SYNE2: variants seen among roughly 807,000 people sequenced by gnomAD.
SYNE2 encodes the protein nesprin-2.
In SYNE2, 431 loss-of-function variants were observed where a neutral mutation model predicts 856.3. The observed-to-expected ratio is 0.50, with a 90% CI of 0.47 to 0.55. The LOEUF is 0.55. SYNE2 is among the 20% of genes least tolerant of loss of function. The pLI is 0.00. For synonymous variants in SYNE2, 2,923 were observed against 2,872.3 expected (o/e 1.02, Z -0.56); for missense variants, 8,129 against 8,023.2 (o/e 1.01, Z -0.50).
chr14:64,099,268 A>G (rs2097701983), intron 63 of SYNE2: 5 of 174,570 alleles, frequency 2.9e-5, no homozygotes, highest in Admixed American at 2.8e-4. Context: ...TAACTGGTTG[A>G]ATGAGACATT....
chr14:63,809,169 C>A (rs1438269424), intron 1 of SYNE2, among the ~76,000 whole-genome samples: 1 of 150,876 alleles, frequency 6.6e-6, no homozygotes, highest in African/African-American at 2.4e-5. Context: ...ATTTTTTTTG[C>A]TTACCAAAGA....
At chr14:63,773,083 T>C (rs556877827) in intron 1 of SYNE2, among the ~76,000 whole-genome samples, 5 of 151,862 alleles carry the variant, frequency 3.3e-5, no homozygotes, top group African/African-American at 1.2e-4. Context: ...CAGCCTATAT[T>C]ACATTTTAAA....
intron 7 of SYNE2, among the ~76,000 whole-genome samples, chr14:63,953,543 G>GAGAT (rs59456660): frequency 0.15 from 13,468 of 90,528 alleles, 781 homozygotes; most frequent in East Asian, 0.34. Context: ...GAGAGAGAGA[G>GAGAT]AGATAGATAG....
chr14:64,220,543 G>A lies in SYNE2; in HGVS notation c.19967G>A (p.Ser6656Asn). ...TESPESTELQSRLRQLSLLWE... is the reference protein window; with the variant it reads ...TESPESTELQNRLRQLSLLWE... ...AGCCCCGAATCCACAGAGCTCCAAAGTAGACTCCGCCAGCTGAGCCTGCTC... is the reference window on the plus strand; with the variant it reads ...AGCCCCGAATCCACAGAGCTCCAAAATAGACTCCGCCAGCTGAGCCTGCTC... The change falls in exon 111 of 116, where the codon AGT (serine) becomes AAT (asparagine). Residue 6656 changes from serine (S) to asparagine (N), a missense_variant. Ser to Asn is a conservative substitution (Grantham distance 46, BLOSUM62 1). Coordinates refer to ENST00000555002, the MANE Select transcript of SYNE2 (RefSeq NM_182914.3). 6.2e-7 allele frequency: 1 copy of A among 1,614,160 alleles called. No homozygotes were observed. The highest frequency in any genetic ancestry group is 8.5e-7 in the Non-Finnish European group (1 of 1,180,028).
intron 18 of SYNE2, among the ~76,000 whole-genome samples, chr14:63,984,649 CAT>C (rs2096611428): frequency 6.6e-6 from 1 of 152,156 alleles, no homozygotes; most frequent in East Asian, 1.9e-4. Flanking sequence ...AATTAAAAAT[CAT>C]ATACTTGTAA....
intron 1 of SYNE2, among the ~76,000 whole-genome samples, chr14:63,858,729 G>A (rs561075861): frequency 2.0e-5 from 3 of 152,020 alleles, no homozygotes; most frequent in Non-Finnish European, 2.9e-5. Context: ...ATAATGTTAC[G>A]ATGGCGATTA....
Position 63,949,846 on chromosome 14 carries a change from C to CT in SYNE2, c.433dup (p.Ser145PhefsTer11). The CT allele has an allele frequency of 6.2e-7, 1 of 1,614,176 alleles. No individual in the cohort carries two copies. Among genetic ancestry groups the CT allele is most frequent in the South Asian group, 1.1e-5 (1 of 91,080 alleles). ...TTAGATTGAGAAGCTTGCCCAGACT[C>CT]TTTCTTGCAATTACAATCAGCCTTC... On this transcript the variant is annotated frameshift_variant, in exon 7 of 116. Coordinates refer to ENST00000555002, the MANE Select transcript of SYNE2 (RefSeq NM_182914.3). LOFTEE classifies it high-confidence loss of function.
chr14:64,167,700 T>G lies in SYNE2; in HGVS notation c.16905+61T>G, dbSNP rs1355921214. 3.4e-5 allele frequency: 54 copies of G among 1,609,876 alleles called. 1 individual carries two copies. The Middle Eastern group carries it at 1.0e-3, about 30-fold the overall frequency. On this transcript the variant is annotated intron_variant, in intron 92 of 115. Transcript: ENST00000555002. Reference sequence around the variant, plus strand: ...ATCTGGGGCAGGAGTCAGGGAAAGATAGCTTTAAATAAAACACAGGGAGTG... The same window carrying G: ...ATCTGGGGCAGGAGTCAGGGAAAGAGAGCTTTAAATAAAACACAGGGAGTG...
At chr14:63,897,010 G>T (rs1366160597) in intron 1 of SYNE2, among the ~76,000 whole-genome samples, 3 of 152,142 alleles carry the variant, frequency 2.0e-5, no homozygotes, top group Non-Finnish European at 2.9e-5. Context: ...CCAGCACTTT[G>T]GGAGGCCAAG....
At chr14:63,773,360 C>G (rs1886992269) in intron 1 of SYNE2, among the ~76,000 whole-genome samples, 1 of 151,678 alleles carries the variant, frequency 6.6e-6, no homozygotes, top group Admixed American at 6.6e-5. Flanking sequence ...CGACCATGCC[C>G]TGAGAATTTT....
intron 6 of SYNE2, among the ~76,000 whole-genome samples, chr14:63,944,522 T>C (rs12895493): frequency 0.012 from 1,053 of 91,510 alleles, 10 homozygotes; most frequent in Middle Eastern, 0.019. Context: ...CCTTTCTTTT[T>C]TTTTTTTTTT....
chr14:64,209,152 G>A, intron 101 of SYNE2: 2 of 840,706 alleles, frequency 2.4e-6, no homozygotes, highest in Non-Finnish European at 3.7e-6. Flanking sequence ...TGTGGGGTGT[G>A]GCTGTGGACT....
In SYNE2 at chr14:64,137,474, C is replaced by A. The variant is rs867828309; in HGVS notation, c.14647-313C>A. On this transcript the variant is annotated intron_variant, in intron 78 of 115. Coordinates refer to ENST00000555002, the MANE Select transcript of SYNE2 (RefSeq NM_182914.3). ...CCATGTTGGTCAGCCTGGTCTCGAA[C>A]TGCAGACCTCAGGTGATCTGCCTGC... Among the ~76,000 whole-genome samples the A allele has an allele frequency of 2.6e-5, 4 of 152,288 alleles. No homozygotes were observed. In the South Asian group the frequency reaches 8.3e-4, roughly 32 times the overall value.
intron 18 of SYNE2, among the ~76,000 whole-genome samples, chr14:63,984,116 G>A (rs1039710731): frequency 1.6e-4 from 25 of 152,080 alleles, no homozygotes; most frequent in African/African-American, 6.0e-4. Flanking sequence ...GTGTTTGTGC[G>A]CCTGTGGTTC....
At chr14:63,792,952 C>T (rs926014436) in intron 1 of SYNE2, among the ~76,000 whole-genome samples, 6 of 152,098 alleles carry the variant, frequency 3.9e-5, no homozygotes, top group Non-Finnish European at 7.3e-5. Flanking sequence ...TGCTGGATTA[C>T]AGGCTGAGCC....
chr14:63,873,945 A>C (rs1423224363), intron 1 of SYNE2: 2 of 152,260 alleles, frequency 1.3e-5, no homozygotes, highest in Non-Finnish European at 2.9e-5. Flanking sequence ...CGGTGACTTG[A>C]CAGAGGTACA....
At position 64,219,353 on chromosome 14, in the gene SYNE2, G is replaced by C. The variant is rs1295799608; in HGVS notation, c.19803G>C (p.Lys6601Asn). ...CTGAAGCAGAGCTGGAAATGTTAAA[G>C]ATGGCAAAGCCTCCCTCTGATATCC... ...KKTEAELEML[K>N]MAKPPSDIQE... is the part of the protein sequence containing the mutation. The change falls in exon 110 of 116, where the codon AAG becomes AAC. Residue 6601 changes from lysine (K) to asparagine (N), a missense_variant. Lys to Asn is a moderately conservative substitution (Grantham distance 94). Coordinates refer to ENST00000555002, the MANE Select transcript of SYNE2 (RefSeq NM_182914.3). 6.2e-7 allele frequency: 1 copy of C among 1,614,096 alleles called. No homozygotes were observed. The highest frequency in any genetic ancestry group is 1.7e-5 in the Admixed American group (1 of 60,006).
At chr14:63,984,059 TG>T (rs1033317804) in intron 18 of SYNE2, among the ~76,000 whole-genome samples, 173 bp downstream of exon 18, 3 of 152,152 alleles carry the variant, frequency 2.0e-5, no homozygotes, top group Admixed American at 1.3e-4. Flanking sequence ...CTGGGTAACG[TG>T]GCAAAACCCT....
At chr14:64,097,896 G>A in intron 61 of SYNE2, 53 bp from the exon 62 acceptor site, 1 of 1,581,124 alleles carries the variant, frequency 6.3e-7, no homozygotes, top group Non-Finnish European at 8.7e-7. Flanking sequence ...GCTGCTCTGG[G>A]CCTGCAGAGG....
Sources: gnomAD v4.1 joint callset for allele counts (sites outside exome capture counted in the v4.1 genomes callset) on GRCh38, gnomAD v4.1.1 for gene constraint, MANE v1.5 for transcripts, NCBI Gene and HGNC (gene_info 2026-07-23, HGNC 2026-07-21) for gene names.